The following ST3GAL3 variants were observed in gnomAD, a reference collection of about 807,000 sequenced individuals.
ST3GAL3 encodes ST3 beta-galactoside alpha-2,3-sialyltransferase 3.
In ST3GAL3, 21 loss-of-function variants were observed where a neutral mutation model predicts 50.1. The ratio of observed to expected loss-of-function variants is 0.42; its 90% CI spans 0.30 to 0.60. ST3GAL3 has a LOEUF of 0.60. ST3GAL3 is among the 20% of genes least tolerant of loss of function. The pLI is 0.19. For missense variants in ST3GAL3, 353 were observed against 489.4 expected (o/e 0.72, Z 2.63); for synonymous variants, 183 against 190.0 (o/e 0.96, Z 0.30).
chr1:43,900,094 C>G (rs1421812975), intron 9 of ST3GAL3, among the ~76,000 whole-genome samples: 2 of 152,082 alleles, frequency 1.3e-5, no homozygotes, highest in Non-Finnish European at 2.9e-5. Flanking sequence ...CACTCCCAAT[C>G]TTTCTACTTT....
chr1:43,722,102 G>A (rs1325307930), intron 1 of ST3GAL3, among the ~76,000 whole-genome samples: 1 of 152,120 alleles, frequency 6.6e-6, no homozygotes, highest in Non-Finnish European at 1.5e-5. Context: ...GGGATATATG[G>A]GTGTGGTAGG....
intron 1 of ST3GAL3, 112 bp from the exon 2 acceptor site, chr1:43,736,121 A>G (rs1678301837): frequency 9.5e-7 from 1 of 1,050,940 alleles, no homozygotes; most frequent in Non-Finnish European, 1.4e-6. Context: ...TATGAAAGTG[A>G]TAACTCTAAG....
intron 2 of ST3GAL3, among the ~76,000 whole-genome samples, chr1:43,765,728 T>C (rs1692297094): frequency 7.1e-6 from 1 of 140,880 alleles, no homozygotes; most frequent in South Asian, 2.4e-4. Context: ...AACAATTTCA[T>C]GTGCATGTGT....
At chr1:43,855,324 G>T (rs1233627825) in intron 5 of ST3GAL3, among the ~76,000 whole-genome samples, 1 of 152,106 alleles carries the variant, frequency 6.6e-6, no homozygotes, top group Non-Finnish European at 1.5e-5. Context: ...AATCCTAAAA[G>T]ATCAGCCAGG....
chr1:43,709,987 G>A (rs949171950), intron 1 of ST3GAL3, among the ~76,000 whole-genome samples: 2 of 152,004 alleles, frequency 1.3e-5, no homozygotes, highest in African/African-American at 2.4e-5. Context: ...CCCAGAAGCG[G>A]CACCTCAAGT....
rs2068690859 is a variant in ST3GAL3 at position 43,857,522 on chromosome 1, C to T, written c.302+19211C>T. Among the ~76,000 whole-genome samples, 2 of 145,292 alleles carry T rather than the reference C, an allele frequency of 1.4e-5. 1 individual carries two copies. The highest frequency in any genetic ancestry group is 3.1e-5 in the Non-Finnish European group (2 of 65,288). ...TTCCCTCTTCCTTCCTTCCTTCCTT[C>T]CCTCCTCCTTCCCTCCCTCCCTCCC... On this transcript the variant is annotated intron_variant, in intron 5 of 11. Transcript: ENST00000347631.
At chr1:43,757,630 A>G (rs1348470533) in intron 2 of ST3GAL3, among the ~76,000 whole-genome samples, 2 of 152,234 alleles carry the variant, frequency 1.3e-5, no homozygotes, top group Non-Finnish European at 2.9e-5. Flanking sequence ...CTCACCATGT[A>G]CAAAATTAAC....
At chr1:43,882,336 G>A (rs574607227) in intron 5 of ST3GAL3, among the ~76,000 whole-genome samples, 1 of 152,318 alleles carries the variant, frequency 6.6e-6, no homozygotes, top group Non-Finnish European at 1.5e-5. Context: ...AAAGCATAGG[G>A]AAAGGGAGGA....
At chr1:43,826,415 A>T (rs964556953) in intron 4 of ST3GAL3, among the ~76,000 whole-genome samples, 2 of 152,236 alleles carry the variant, frequency 1.3e-5, no homozygotes, top group Non-Finnish European at 2.9e-5. Context: ...TATCTACTAA[A>T]GAAATTAAAT....
chr1:43,795,175 A>G (rs954167062), intron 3 of ST3GAL3, among the ~76,000 whole-genome samples: 5 of 152,236 alleles, frequency 3.3e-5, no homozygotes, highest in African/African-American at 1.2e-4. Flanking sequence ...CTCAGCCTCC[A>G]TCTCCCTTGG....
intron 7 of ST3GAL3, chr1:43,898,950 T>C (rs566001295): frequency 1.7e-6 from 1 of 605,998 alleles, no homozygotes; most frequent in African/African-American, 1.9e-5. Flanking sequence ...CCTGGGGAAG[T>C]GTCAGGGCCT....
At chr1:43,797,589 A>G (rs1309792756) in intron 3 of ST3GAL3, among the ~76,000 whole-genome samples, 1 of 152,246 alleles carries the variant, frequency 6.6e-6, no homozygotes, top group African/African-American at 2.4e-5. Context: ...ACAGAATTCA[A>G]CATCTATTTA....
At chr1:43,859,237 T>C (rs2069287821) in intron 5 of ST3GAL3, among the ~76,000 whole-genome samples, 1 of 152,154 alleles carries the variant, frequency 6.6e-6, no homozygotes, top group South Asian at 2.1e-4. Flanking sequence ...TTTGTGGCCC[T>C]TGTGTTGGGA....
intron 2 of ST3GAL3, among the ~76,000 whole-genome samples, chr1:43,782,790 T>G (rs1699788975): frequency 6.6e-6 from 1 of 152,194 alleles, no homozygotes; most frequent in East Asian, 1.9e-4. Context: ...GTATGGCAAA[T>G]ATGAACTTGA....
chr1:43,785,491 G>C (rs1260524208), intron 2 of ST3GAL3, among the ~76,000 whole-genome samples: 2 of 152,162 alleles, frequency 1.3e-5, no homozygotes, highest in Non-Finnish European at 2.9e-5. Context: ...AGGCCTTCTG[G>C]GAACTGAAGA....
Position 43,737,190 on chromosome 1 carries a change from T to C in ST3GAL3, c.118+810T>C, listed in dbSNP as rs1185640506. ...TCTGAGCTTGGTGTGGGAAATAGTA[T>C]AAAATCAGAACAGAGTGGCCTGTTT... is the stretch of plus-strand genomic sequence containing the variant. On this transcript the variant is annotated intron_variant, in intron 2 of 11. Coordinates refer to ENST00000347631, the MANE Select transcript of ST3GAL3 (RefSeq NM_006279.5). This position sits in a 1 kb window ranked among gnomAD's most constrained non-coding sequence, Gnocchi z 4.0. The C allele has an allele frequency of 2.6e-5, 4 of 152,682 alleles. No homozygotes were observed. The highest frequency in any genetic ancestry group is 5.8e-5 in the Non-Finnish European group (4 of 68,400). 9.5% of individuals were successfully genotyped at this position (152,682 alleles called of 1,614,324 possible). A position where few individuals can be genotyped will look rare whatever the true frequency, so the allele number is the denominator to read the frequency against.
chr1:43,872,897 A>G (rs1474665270), intron 5 of ST3GAL3, among the ~76,000 whole-genome samples: 1 of 152,226 alleles, frequency 6.6e-6, no homozygotes, highest in Non-Finnish European at 1.5e-5. Flanking sequence ...GAAATCAGGG[A>G]AGGCCATGCT....
chr1:43,868,414 G>A (rs1248021164), intron 5 of ST3GAL3, among the ~76,000 whole-genome samples: 1 of 152,180 alleles, frequency 6.6e-6, no homozygotes, highest in African/African-American at 2.4e-5. Context: ...TTTTGACACA[G>A]TTTAACCTTT....
chr1:43,907,782 C>A (rs914803987), intron 9 of ST3GAL3, among the ~76,000 whole-genome samples: 10 of 152,174 alleles, frequency 6.6e-5, no homozygotes, highest in Non-Finnish European at 1.3e-4. Context: ...CCTCCTCTCA[C>A]ATCTATGAAT....
Sources: allele counts gnomAD v4.1 joint callset (sites outside exome capture counted in the v4.1 genomes callset), GRCh38; gene constraint gnomAD v4.1.1; non-coding constraint Gnocchi (gnomAD v3.1); transcripts MANE v1.5; gene names NCBI Gene and HGNC (gene_info 2026-07-23, HGNC 2026-07-21).